SPANXN2: variants seen among roughly 807,000 people sequenced by gnomAD.
The protein encoded by SPANXN2 is sperm protein associated with the nucleus on the X chromosome N2.
A neutral mutation model predicts 2.0 loss-of-function variants in SPANXN2; 1 was observed. That is an observed-to-expected ratio of 0.50 (90% confidence interval 0.18 to 2.36). SPANXN2 has a LOEUF of 2.36. SPANXN2 is among the 30% of genes most tolerant of loss of function. The probability of loss-of-function intolerance (pLI) is 0.26; values close to 1 mark genes in which losing one functional copy is unlikely to be tolerated. For synonymous variants in SPANXN2, 43 were observed against 49.8 expected, an observed-to-expected ratio of 0.86 and a Z score of 0.58; for missense variants, 88 against 116.7, an observed-to-expected ratio of 0.75 and a Z score of 1.13.
chrX:143,720,267 C>T (rs781970648), intron 1 of SPANXN2, among the ~76,000 whole-genome samples: 41 of 110,382 alleles, frequency 3.7e-4, no homozygotes, highest in African/African-American at 1.1e-3. Context: ...GGACACAGGT[C>T]CAACTAAAGA....
chrX:143,719,223 G>T (rs1299617497), intron 1 of SPANXN2, among the ~76,000 whole-genome samples: 1 of 110,655 alleles, frequency 9.0e-6, no homozygotes, highest in Non-Finnish European at 1.9e-5. Context: ...TCGGATTCCA[G>T]AAAATACCTC....
chrX:143,720,564 C>T (rs782348454), intron 1 of SPANXN2, 27 bp downstream of exon 1: 13 of 1,198,055 alleles, frequency 1.1e-5, no homozygotes, highest in African/African-American at 1.8e-5. Flanking sequence ...TCACCCTCAC[C>T]TTCCCTTCAA....
chrX:143,719,093 T>C (rs1161919661), intron 1 of SPANXN2, among the ~76,000 whole-genome samples: 1 of 110,956 alleles, frequency 9.0e-6, no homozygotes, highest in Non-Finnish European at 1.9e-5. Context: ...AACCTGCTTA[T>C]AATCTTGCTC....
intron 1 of SPANXN2, among the ~76,000 whole-genome samples, chrX:143,716,140 ACCT>A (rs1932259536): frequency 9.1e-6 from 1 of 110,234 alleles, no homozygotes; most frequent in South Asian, 4.0e-4. Context: ...TATGTCAATG[ACCT>A]CCTTCTCTGT....
Position 143,717,956 on chromosome X carries a change from C to T in SPANXN2, c.78+2635G>A, listed in dbSNP as rs190208453. ...CACACCATCGCTTCTATTCTCTCCA[C>T]CCATATTATCCACCGGTTTAAACTC... On this transcript the variant is annotated intron_variant, in intron 1 of 1. Transcript: ENST00000598475. 6.5e-3 allele frequency among the ~76,000 whole-genome samples: 731 copies of T among 111,919 alleles called. 2 individuals carry two copies. The highest frequency in any genetic ancestry group is 0.011 in the Non-Finnish European group (572 of 53,203).
intron 1 of SPANXN2, among the ~76,000 whole-genome samples, chrX:143,719,280 A>G (rs1237057928): frequency 9.0e-6 from 1 of 111,047 alleles, no homozygotes; most frequent in African/African-American, 3.3e-5. Flanking sequence ...CATGTATCCA[A>G]GTCAAGGGCG....
chrX:143,714,983 T>C (rs782299409), intron 1 of SPANXN2, among the ~76,000 whole-genome samples: 1 of 111,739 alleles, frequency 8.9e-6, no homozygotes, highest in South Asian at 3.8e-4. Flanking sequence ...ACAGGGACAC[T>C]GGGCAAAAGC....
chrX:143,715,245 A>G (rs1327797867), intron 1 of SPANXN2, among the ~76,000 whole-genome samples: 1 of 110,799 alleles, frequency 9.0e-6, no homozygotes, highest in African/African-American at 3.3e-5. Context: ...CAGTTTGACC[A>G]GAATATTCTA....
chrX:143,717,214 A>G (rs1249567741), intron 1 of SPANXN2, among the ~76,000 whole-genome samples: 5 of 112,030 alleles, frequency 4.5e-5, no homozygotes, highest in Non-Finnish European at 7.5e-5. Flanking sequence ...GTCAACATTT[A>G]CACCCATTCC....
intron 1 of SPANXN2, among the ~76,000 whole-genome samples, chrX:143,717,152 G>A (rs1390017244): frequency 8.9e-6 from 1 of 112,143 alleles, no homozygotes; most frequent in Non-Finnish European, 1.9e-5. Flanking sequence ...CCTCTCAACA[G>A]GCAAAGCTAG....
intron 1 of SPANXN2, among the ~76,000 whole-genome samples, chrX:143,716,941 A>T (rs1248371052): frequency 1.8e-5 from 2 of 110,498 alleles, no homozygotes; most frequent in Non-Finnish European, 3.8e-5. Flanking sequence ...AACACTTCCG[A>T]CTCTAAGCTC....
At chrX:143,713,029 GC>G (rs1165369968) in intron 1 of SPANXN2, among the ~76,000 whole-genome samples, 1 of 111,662 alleles carries the variant, frequency 9.0e-6, no homozygotes, top group Non-Finnish European at 1.9e-5. Flanking sequence ...CTGGCATTAA[GC>G]TTGTCCTCCA....
intron 1 of SPANXN2, among the ~76,000 whole-genome samples, chrX:143,715,947 T>G (rs1207284548): frequency 9.0e-6 from 1 of 111,590 alleles, no homozygotes. Flanking sequence ...CTTACCAAAG[T>G]CTTTTTGCTT....
Position 143,712,504 on chromosome X carries a change from T to A in SPANXN2, c.79-5A>T. On this transcript the variant is annotated splice_polypyrimidine_tract_variant and splice_region_variant and intron_variant, in intron 1 of 1. Coordinates refer to ENST00000598475, the Ensembl canonical transcript of SPANXN2. ...CCTGTTCGGTGCCTCCTGCATCTGA[T>A]AAGAAAACAGGGAGAGGCCAGAAAG... 1.7e-6 allele frequency: 2 copies of A among 1,203,475 alleles called. No homozygotes were observed. Among genetic ancestry groups the A allele is most frequent in the Non-Finnish European group, 2.2e-6 (2 of 891,717 alleles).
exon 2 of SPANXN2, chrX:143,712,242 G>A (rs201057955): frequency 7.7e-6 from 9 of 1,174,930 alleles, no homozygotes; most frequent in African/African-American, 1.8e-5. Context: ...CCAGGTCTTC[G>A]TCCTCCTGTG....
intron 1 of SPANXN2, among the ~76,000 whole-genome samples, chrX:143,713,017 C>A (rs1382215897): frequency 1.8e-5 from 2 of 111,704 alleles, no homozygotes; most frequent in African/African-American, 6.5e-5. Context: ...CGGCGGTGGG[C>A]TCTGGCATTA....
rs782579561 is a variant in SPANXN2 at position 143,712,624 on chromosome X, A to G, written c.79-125T>C. 134 of 625,669 alleles carry G rather than the reference A, an allele frequency of 2.1e-4. 1 individual carries two copies. The highest frequency in any genetic ancestry group is 1.8e-3 in the African/African-American group (81 of 44,360). The allele number at this position is 625,669 out of a possible 1,213,427, so 51.6% of individuals were successfully genotyped here. On this transcript the variant is annotated intron_variant, in intron 1 of 1. Transcript: ENST00000598475. ...AGGAAGGGGTTTGTGCCAGAGAAGA[A>G]CAAGGTGGAATCATAGGGTAGTGAT...
chrX:143,713,984 GCCTCTT>G (rs1556449069), intron 1 of SPANXN2, among the ~76,000 whole-genome samples: 1 of 102,371 alleles, frequency 9.8e-6, no homozygotes, highest in Non-Finnish European at 2.0e-5. Flanking sequence ...CCCCCAAAAT[GCCTCTT>G]CCTCCGGACA....
chrX:143,716,379 T>C (rs1331710992), intron 1 of SPANXN2, among the ~76,000 whole-genome samples: 1 of 111,147 alleles, frequency 9.0e-6, no homozygotes, highest in Non-Finnish European at 1.9e-5. Flanking sequence ...CCCTCCTTCT[T>C]GGGCCTTGTG....
Sources: gnomAD v4.1 joint callset for allele counts (sites outside exome capture counted in the v4.1 genomes callset) on GRCh38, gnomAD v4.1.1 for gene constraint, MANE v1.5 for transcripts, NCBI Gene and HGNC (gene_info 2026-07-23, HGNC 2026-07-21) for gene names.